Variants in MLN observed in about 807,000 individuals in gnomAD.
The protein encoded by MLN is motilin, also known as promotilin.
MLN carries 14 observed loss-of-function variants against 13.3 expected under a neutral mutation model. The observed-to-expected ratio is 1.05, with a 90% CI of 0.69 to 1.64. The LOEUF is 1.64. Ranked by LOEUF, MLN falls within the 40% of genes most tolerant of loss-of-function variation. The pLI, the probability that MLN is intolerant of heterozygous loss-of-function variation, is 0.00. For synonymous variants in MLN, 59 were observed against 54.7 expected (o/e 1.08, Z -0.34); for missense variants, 122 against 142.9 (o/e 0.85, Z 0.75).
At chr6:33,801,817 A>G (rs1291162582) in intron 1 of MLN, among the ~76,000 whole-genome samples, 2 of 152,256 alleles carry the variant, frequency 1.3e-5, no homozygotes, top group Non-Finnish European at 2.9e-5. Flanking sequence ...CAGTGCATCT[A>G]GCTGCCTTTG....
chr6:33,798,138 G>A (rs188005705), intron 3 of MLN, among the ~76,000 whole-genome samples: 261 of 152,066 alleles, frequency 1.7e-3, no homozygotes, highest in African/African-American at 6.0e-3. Context: ...AACCCACCGC[G>A]TCTCCTTGCG....
intron 2 of MLN, 61 bp downstream of exon 2, chr6:33,800,986 A>G: frequency 7.7e-7 from 1 of 1,299,330 alleles, no homozygotes; most frequent in East Asian, 2.3e-5. Context: ...CCTTGGTATC[A>G]CCGGCATAGG....
intron 4 of MLN, 97 bp downstream of exon 4, chr6:33,795,406 C>A: frequency 2.1e-6 from 2 of 953,054 alleles, no homozygotes; most frequent in Non-Finnish European, 3.2e-6. Context: ...TGCAAAGCAG[C>A]CAAACAAATT....
rs895032869 is a variant in MLN, at chr6:33,803,474, A to G, written c.-8+479T>C. ...AGGCATGTGCCACCTCGCATGGCTA[A>G]TTTTTGTATTTTTAGTAGAGACAGG... On this transcript the variant is annotated intron_variant, in intron 1 of 4. Transcript: ENST00000430124. The surrounding 1 kb of genome is among the most constrained non-coding windows in gnomAD (Gnocchi z 4.5). Among the ~76,000 whole-genome samples the G allele has an allele frequency of 2.6e-5, 4 of 151,690 alleles. No individual in the cohort carries two copies. Among genetic ancestry groups the G allele is most frequent in the Non-Finnish European group, 5.9e-5 (4 of 67,920 alleles).
chr6:33,802,006 G>C (rs972424603), intron 1 of MLN, among the ~76,000 whole-genome samples: 32 of 152,130 alleles, frequency 2.1e-4, no homozygotes, highest in African/African-American at 7.2e-4. Flanking sequence ...CAGGGGTGCA[G>C]AGCCTTGAGA....
In MLN at chr6:33,795,561, C is replaced by A; in HGVS notation, c.279G>T (p.Gln93His). 1 of 1,566,828 alleles carries A rather than the reference C, an allele frequency of 6.4e-7. No homozygotes were observed. The highest frequency in any genetic ancestry group is 8.7e-7 in the Non-Finnish European group (1 of 1,154,152). Residue 93 changes from glutamine to histidine, a missense_variant, in exon 4 of 5, where the codon CAG becomes CAT. Coordinates refer to ENST00000430124, the MANE Select transcript of MLN (RefSeq NM_002418.3). ...LEIGMRMNSR[Q>H]LEKYPATLEG... Reference sequence around the variant, plus strand: ...CCAGGGTGGCCGGGTACTTTTCCAGCTGTCTGGAGTTCATCCTCATTCCAA... The same window carrying A: ...CCAGGGTGGCCGGGTACTTTTCCAGATGTCTGGAGTTCATCCTCATTCCAA...
Position 33,797,096 on chromosome 6 carries a change from C to T in MLN, c.235-1491G>A, listed in dbSNP as rs116902677. On this transcript the variant is annotated intron_variant, in intron 3 of 4. Transcript: ENST00000430124. ...GCGGCAACAGCACCCAGGTTGTTTT[C>T]TGGGCCCAACAGCACCGGGAAAGAT... Among the ~76,000 whole-genome samples, 7 of 152,352 alleles carry T rather than the reference C, an allele frequency of 4.6e-5. No homozygotes were observed. In the East Asian group the frequency reaches 1.3e-3, roughly 29 times the overall value.
intron 3 of MLN, among the ~76,000 whole-genome samples, chr6:33,797,335 C>G (rs1767949326): frequency 6.6e-6 from 1 of 152,236 alleles, no homozygotes. Context: ...TTGAAATTCC[C>G]TCTAACCACG....
At position 33,794,821 on chromosome 6, in the gene MLN, G is replaced by T; in HGVS notation, c.*4C>A. 6.2e-7 allele frequency: 1 copy of T among 1,613,406 alleles called. No homozygotes were observed. Among genetic ancestry groups the T allele is most frequent in the Non-Finnish European group, 8.5e-7 (1 of 1,179,680 alleles). ...ATCTGTCCACCTTCTCCCCAGCGTG[G>T]CCATCACTTGGCTGCTGGAGAAAAG... On this transcript the variant is annotated 3_prime_UTR_variant, in exon 5 of 5. Coordinates refer to ENST00000430124, the MANE Select transcript of MLN (RefSeq NM_002418.3).
intron 3 of MLN, 151 bp downstream of exon 3, chr6:33,798,954 G>C (rs902069168): frequency 7.3e-6 from 4 of 550,064 alleles, no homozygotes; most frequent in African/African-American, 1.9e-5. Flanking sequence ...CTCCCTACGA[G>C]GATGGAGCTC....
intron 2 of MLN, 51 bp downstream of exon 2, chr6:33,800,996 G>T: frequency 1.4e-6 from 2 of 1,392,846 alleles, no homozygotes; most frequent in Non-Finnish European, 2.0e-6. Flanking sequence ...ACCGGCATAG[G>T]TCATAGTGAC....
At chr6:33,798,732 T>C (rs1336977296) in intron 3 of MLN, among the ~76,000 whole-genome samples, 2 of 152,228 alleles carry the variant, frequency 1.3e-5, no homozygotes, top group Admixed American at 1.3e-4. Flanking sequence ...TTGCACTCAC[T>C]GTTCCTTCTC....
Position 33,799,258 on chromosome 6 carries a change from C to G in MLN, c.118-37G>C, listed in dbSNP as rs1767993921. 6.7e-7 allele frequency: 1 copy of G among 1,500,056 alleles called. No individual in the cohort carries two copies. Among genetic ancestry groups the G allele is most frequent in the Non-Finnish European group, 9.3e-7 (1 of 1,079,740 alleles). The allele number at this position is 1,500,056 out of a possible 1,614,324, so 92.9% of individuals were successfully genotyped here. The stretch of plus-strand genomic sequence containing the variant: ...ACAGAAAATTGCACAAAACCGCCCT[C>G]CCTCAACCCACGCTGATGGCCCCTT... On this transcript the variant is annotated intron_variant, in intron 2 of 4. Transcript: ENST00000430124. This position sits in a 1 kb window ranked among gnomAD's most constrained non-coding sequence, Gnocchi z 4.6.
intron 3 of MLN, among the ~76,000 whole-genome samples, chr6:33,797,790 T>C (rs2127387582): frequency 6.6e-6 from 1 of 152,310 alleles, no homozygotes; most frequent in Non-Finnish European, 1.5e-5. Flanking sequence ...GTCCCTTCAG[T>C]CTGTTCTCAG....
In MLN at chr6:33,799,281, C is replaced by G. The variant is rs886647773; in HGVS notation, c.118-60G>C. 3 of 1,224,548 alleles carry G rather than the reference C, an allele frequency of 2.4e-6. No homozygotes were observed. The highest frequency in any genetic ancestry group is 3.5e-5 in the Admixed American group (2 of 56,758). 75.9% of individuals were successfully genotyped at this position (1,224,548 alleles called of 1,614,324 possible). A position where few individuals can be genotyped will look rare whatever the true frequency, so the allele number is the denominator to read the frequency against. ...CTCCCTCAACCCACGCTGATGGCCC[C>G]TTGCCTGTCTCCATCTGCCCAGGGT... On this transcript the variant is annotated intron_variant, in intron 2 of 4. Transcript: ENST00000430124. This position sits in a 1 kb window ranked among gnomAD's most constrained non-coding sequence, Gnocchi z 4.6.
chr6:33,795,734 G>T (rs1325470590), intron 3 of MLN, 129 bp from the exon 4 acceptor site: 2 of 704,562 alleles, frequency 2.8e-6, no homozygotes, highest in Admixed American at 4.8e-5. Context: ...GAGCCTCTAG[G>T]GATGGCTGGG....
chr6:33,795,552 C>T lies in MLN; in HGVS notation c.288G>A (p.Lys96=), dbSNP rs1349764147. 1 of 1,567,568 alleles carries T rather than the reference C, an allele frequency of 6.4e-7. No individual in the cohort carries two copies. Among genetic ancestry groups the T allele is most frequent in the Admixed American group, 1.9e-5 (1 of 53,306 alleles). ...GMRMNSRQLE[K]YPATLEGLLS... ...GCAGCCCTTCCAGGGTGGCCGGGTA[C>T]TTTTCCAGCTGTCTGGAGTTCATCC... The change falls in exon 4 of 5, where the codon AAG becomes AAA. Residue 96 remains lysine (K), a synonymous_variant. Coordinates refer to ENST00000430124, the MANE Select transcript of MLN (RefSeq NM_002418.3).
chr6:33,795,114 C>T (rs1767881987), intron 4 of MLN, among the ~76,000 whole-genome samples: 1 of 152,246 alleles, frequency 6.6e-6, no homozygotes, highest in Admixed American at 6.5e-5. Context: ...GGAGATGTAG[C>T]TTTGCTCAGG....
Position 33,795,492 on chromosome 6 carries a change from C to T in MLN, c.337+11G>A, listed in dbSNP as rs143299126. 13,640 of 1,554,748 alleles carry T rather than the reference C, an allele frequency of 8.8e-3. 94 individuals carry two copies. The highest frequency in any genetic ancestry group is 0.015 in the South Asian group (1,247 of 84,346). On this transcript the variant is annotated intron_variant, in intron 4 of 4. Transcript: ENST00000430124. ...CCGGCCAAGCCACAGAGATGCCCGC[C>T]CTCCCCGTACCATGCTGGGGAAGCA...
Sources: gnomAD v4.1 joint callset for allele counts (sites outside exome capture counted in the v4.1 genomes callset) on GRCh38, gnomAD v4.1.1 for gene constraint, Gnocchi (gnomAD v3.1) non-coding constraint, MANE v1.5 for transcripts, NCBI Gene and HGNC (gene_info 2026-07-23, HGNC 2026-07-21) for gene names.